EBF1: variants seen among roughly 807,000 people sequenced by gnomAD.
The protein encoded by EBF1 is transcription factor COE1.
Under a neutral mutation model 68.4 loss-of-function variants are expected in EBF1, and 10 were observed. That is an observed-to-expected ratio of 0.15 (90% confidence interval 0.09 to 0.25). The LOEUF is 0.25. EBF1 is among the 10% of genes least tolerant of loss of function. The pLI, the probability that EBF1 is intolerant of heterozygous loss-of-function variation, is 1.00. For missense variants in EBF1, 509 were observed against 794.4 expected, an observed-to-expected ratio of 0.64 and a Z score of 4.32; for synonymous variants, 298 against 299.8, an observed-to-expected ratio of 0.99 and a Z score of 0.06.
intron 6 of EBF1, among the ~76,000 whole-genome samples, chr5:158,850,359 T>C (rs1162621617): frequency 4.6e-5 from 7 of 152,162 alleles, no homozygotes; most frequent in Admixed American, 1.3e-4. Flanking sequence ...GCACCTACTT[T>C]GCACCAAACA....
chr5:158,816,366 T>G (rs969356420), intron 8 of EBF1, among the ~76,000 whole-genome samples: 5 of 152,254 alleles, frequency 3.3e-5, no homozygotes, highest in African/African-American at 9.6e-5. Context: ...CAGGAAACTA[T>G]GCAAACCCTG....
At chr5:158,826,260 G>T (rs746793526) in intron 7 of EBF1, among the ~76,000 whole-genome samples, 1 of 141,780 alleles carries the variant, frequency 7.1e-6, no homozygotes, top group East Asian at 2.3e-4. Context: ...AGAATTTCAC[G>T]ATATCTGTTA....
intron 6 of EBF1, among the ~76,000 whole-genome samples, chr5:158,868,119 A>G (rs31193): frequency 0.18 from 26,956 of 152,126 alleles, 2,439 homozygotes; most frequent in African/African-American, 0.2. Context: ...CAACATAAAA[A>G]ATGGCTCCTA....
chr5:158,862,759 G>A (rs1795185253), intron 6 of EBF1, among the ~76,000 whole-genome samples: 1 of 152,050 alleles, frequency 6.6e-6, no homozygotes, highest in South Asian at 2.1e-4. Context: ...TTTGCAAAGT[G>A]GACACCATAT....
intron 6 of EBF1, among the ~76,000 whole-genome samples, chr5:158,951,477 A>G (rs1466910517): frequency 6.6e-6 from 1 of 152,296 alleles, no homozygotes; most frequent in Non-Finnish European, 1.5e-5. Context: ...AGTAAAATCC[A>G]TCATGAACCA....
In EBF1 at chr5:159,020,852, C is replaced by T. The variant is rs113384298; in HGVS notation, c.554+52544G>A. 7.7e-3 allele frequency among the ~76,000 whole-genome samples: 1,146 copies of T among 147,902 alleles called. 10 individuals are homozygous for T. The highest frequency in any genetic ancestry group is 0.027 in the African/African-American group (1,099 of 41,150). ...GGCAAACTATGGGGATAAGTAATAA[C>T]AATTAATTAGCTACAGTTATTTAAT... is the stretch of plus-strand genomic sequence containing the variant. On this transcript the variant is annotated intron_variant, in intron 6 of 15. Coordinates refer to ENST00000313708, the MANE Select transcript of EBF1 (RefSeq NM_024007.5).
intron 6 of EBF1, among the ~76,000 whole-genome samples, chr5:159,020,379 G>A (rs1167441290): frequency 1.3e-5 from 2 of 152,206 alleles, no homozygotes; most frequent in Non-Finnish European, 2.9e-5. Context: ...TGTCCCCAGA[G>A]CCTAACACAG....
In EBF1 at chr5:158,712,413, C is replaced by G. The variant is rs953255252; in HGVS notation, c.1370-80G>C. 3.9e-6 allele frequency: 6 copies of G among 1,527,602 alleles called. No individual in the cohort carries two copies. In the African/African-American group the frequency reaches 6.8e-5, roughly 17 times the overall value. The allele number at this position is 1,527,602 out of a possible 1,614,324, so 94.6% of individuals were successfully genotyped here. A position where few individuals can be genotyped will look rare whatever the true frequency, so the allele number is the denominator to read the frequency against. The stretch of plus-strand genomic sequence containing the variant: ...CTGGAAGACTCGGGGAAAGGAAGGT[C>G]TCTGTTTCTGGCCCCGTCGCCGCAA... On this transcript the variant is annotated intron_variant, in intron 13 of 15. Coordinates refer to ENST00000313708, the MANE Select transcript of EBF1 (RefSeq NM_024007.5).
rs114868300 is a variant in EBF1 at position 158,895,181 on chromosome 5, A to G, written c.555-55071T>C. On this transcript the variant is annotated intron_variant, in intron 6 of 15. Transcript: ENST00000313708. ...ATAATAAGTCAGATGCCAGGTAGGA[A>G]ATGTTGGACACCAGCACTATTCATT... Among the ~76,000 whole-genome samples, 624 of 152,286 alleles carry G rather than the reference A, an allele frequency of 4.1e-3. 6 individuals carry two copies. The highest frequency in any genetic ancestry group is 0.014 in the African/African-American group (593 of 41,558).
In EBF1 at chr5:158,853,815, G is replaced by C. The variant is rs572238710; in HGVS notation, c.555-13705C>G. Among the ~76,000 whole-genome samples the C allele has an allele frequency of 3.3e-5, 5 of 152,226 alleles. No homozygotes were observed. The South Asian group carries it at 1.0e-3, about 32-fold the overall frequency. ...GTATATATTTTTTATTTCACATACA[G>C]AATTGCTATTAACTTTCAAAATGAT... On this transcript the variant is annotated intron_variant, in intron 6 of 15. Transcript: ENST00000313708.
At chr5:158,979,345 G>C (rs1217935517) in intron 6 of EBF1, among the ~76,000 whole-genome samples, 1 of 152,136 alleles carries the variant, frequency 6.6e-6, no homozygotes, top group Non-Finnish European at 1.5e-5. Context: ...ATCTGTGCCT[G>C]AATTCCCAAA....
intron 15 of EBF1, among the ~76,000 whole-genome samples, chr5:158,704,669 G>C (rs1037417315): frequency 6.6e-6 from 1 of 151,254 alleles, no homozygotes; most frequent in East Asian, 1.9e-4. Flanking sequence ...GAAAGTTAAA[G>C]ATGAAGTAAT....
At chr5:158,702,804 G>A (rs1455715171) in intron 15 of EBF1, among the ~76,000 whole-genome samples, 2 of 146,862 alleles carry the variant, frequency 1.4e-5, no homozygotes, top group African/African-American at 5.0e-5. Context: ...GAACAGGGGG[G>A]TAAGTGAGTG....
intron 7 of EBF1, among the ~76,000 whole-genome samples, chr5:158,829,495 T>C (rs888229855): frequency 6.6e-6 from 1 of 151,820 alleles, no homozygotes; most frequent in African/African-American, 2.4e-5. Flanking sequence ...CACAAAACTA[T>C]GGATTTTAAT....
chr5:158,936,367 T>C (rs1173462370), intron 6 of EBF1, among the ~76,000 whole-genome samples: 1 of 152,216 alleles, frequency 6.6e-6, no homozygotes, highest in Non-Finnish European at 1.5e-5. Context: ...CTCTGTGACT[T>C]CAGGTTCAGG....
intron 6 of EBF1, among the ~76,000 whole-genome samples, chr5:158,995,957 G>A (rs534315126): frequency 3.3e-5 from 5 of 152,148 alleles, no homozygotes; most frequent in East Asian, 1.9e-4. Context: ...GTGCAATAAC[G>A]GTGTCAAGTG....
intron 6 of EBF1, among the ~76,000 whole-genome samples, chr5:159,013,345 A>T (rs1354013371): frequency 6.6e-6 from 1 of 152,212 alleles, no homozygotes; most frequent in Non-Finnish European, 1.5e-5. Flanking sequence ...CATGAATCAA[A>T]TAGTCTCCTA....
chr5:158,772,065 G>A (rs1339158747), intron 10 of EBF1, among the ~76,000 whole-genome samples: 1 of 152,166 alleles, frequency 6.6e-6, no homozygotes, highest in Admixed American at 6.5e-5. Flanking sequence ...CCAGAGCACA[G>A]TGAGCCAAAC....
intron 7 of EBF1, among the ~76,000 whole-genome samples, chr5:158,826,025 A>G (rs1200862770): frequency 6.6e-6 from 1 of 152,122 alleles, no homozygotes; most frequent in Non-Finnish European, 1.5e-5. Flanking sequence ...TTTACCACAT[A>G]ATTAATAAGG....
Sources: allele counts gnomAD v4.1 joint callset (sites outside exome capture counted in the v4.1 genomes callset), GRCh38; gene constraint gnomAD v4.1.1; transcripts MANE v1.5; gene names NCBI Gene and HGNC (gene_info 2026-07-23, HGNC 2026-07-21).